PDZD7: variants seen among roughly 807,000 people sequenced by gnomAD.
PDZD7 encodes the protein PDZ domain-containing protein 7.
PDZD7 carries 72 observed loss-of-function variants against 84.7 expected under a neutral mutation model. The observed-to-expected ratio is 0.85, with a 90% CI of 0.70 to 1.03. The LOEUF (loss-of-function observed/expected upper bound fraction) is 1.03. PDZD7 is among the 50% of genes least tolerant of loss of function. The pLI, the probability that PDZD7 is intolerant of heterozygous loss-of-function variation, is 0.00. For synonymous variants in PDZD7, 594 were observed against 580.7 expected, an observed-to-expected ratio of 1.02 and a Z score of -0.33; for missense variants, 1,490 against 1,412.9, an observed-to-expected ratio of 1.05 and a Z score of -0.87.
chr10:101,018,339 A>T, intron 8 of PDZD7, 43 bp from the exon 9 acceptor site: 2 of 1,597,792 alleles, frequency 1.3e-6, no homozygotes, highest in Non-Finnish European at 8.6e-7. Context: ...AGGGGTGGGC[A>T]GAAGGGAAGG....
chr10:101,020,654 T>A lies in PDZD7; in HGVS notation c.892A>T (p.Lys298Ter). The A allele has an allele frequency of 6.2e-7, 1 of 1,613,206 alleles. No individual in the cohort carries two copies. The highest frequency in any genetic ancestry group is 1.1e-5 in the South Asian group (1 of 91,054). Residue 298 changes from lysine to a stop codon, truncating the protein, a stop_gained, in exon 7 of 17, where the codon AAG becomes TAG. Coordinates refer to ENST00000619208, the MANE Select transcript of PDZD7 (RefSeq NM_001195263.2). LOFTEE classifies it high-confidence loss of function. ...CAGCAGTACTCAGAAACCATCTCCT[T>A]GTAGGCAGGATACCGGCCGGTCTCC... ...IKETGRYPAY[K>*]EMVSEYCWLD...
rs1247248121 is a variant in PDZD7, at chr10:101,016,534, G to A, written c.1523-107C>T. ...AATGGAGAATTCAGACTGGAAGTAG[G>A]TGGGATAGGGAGGCAAGAGGCCTGG... On this transcript the variant is annotated intron_variant, in intron 9 of 16. Transcript: ENST00000619208. 7.3e-6 allele frequency: 9 copies of A among 1,234,970 alleles called. No individual in the cohort carries two copies. In the African/African-American group the frequency reaches 1.2e-4, roughly 16 times the overall value. The allele number at this position is 1,234,970 out of a possible 1,614,324, so 76.5% of individuals were successfully genotyped here. A position where few individuals can be genotyped will look rare whatever the true frequency, so the allele number is the denominator to read the frequency against.
At chr10:101,016,804 G>A (rs1372308364) in intron 9 of PDZD7, among the ~76,000 whole-genome samples, 1 of 152,136 alleles carries the variant, frequency 6.6e-6, no homozygotes, top group East Asian at 1.9e-4. Context: ...GGTGGGAGGA[G>A]AACCAGCAGA....
At chr10:101,023,326 C>T in intron 4 of PDZD7, 110 bp downstream of exon 4, 1 of 1,372,170 alleles carries the variant, frequency 7.3e-7, no homozygotes, top group Non-Finnish European at 1.0e-6. Context: ...GTTTCCTGAG[C>T]CAGCGAGCAG....
At chr10:101,022,960 C>T (rs1025885459) in intron 4 of PDZD7, among the ~76,000 whole-genome samples, 13 of 151,188 alleles carry the variant, frequency 8.6e-5, no homozygotes, top group Middle Eastern at 3.4e-3. Context: ...TTAGTACAGA[C>T]GGGGTTTCTC....
chr10:101,014,727 A>G (rs966277728), intron 11 of PDZD7, among the ~76,000 whole-genome samples: 2 of 152,082 alleles, frequency 1.3e-5, no homozygotes, highest in South Asian at 4.1e-4. Flanking sequence ...TCACATGCAC[A>G]CACACACACA....
intron 8 of PDZD7, 26 bp downstream of exon 8, chr10:101,018,796 G>C: frequency 6.4e-7 from 1 of 1,560,106 alleles, no homozygotes; most frequent in African/African-American, 1.3e-5. Flanking sequence ...TGTGGAGGGA[G>C]CAGCCGCCAC....
rs946393502 is a variant in PDZD7, at chr10:101,023,769, T to G, written c.367+159A>C. On this transcript the variant is annotated intron_variant, in intron 3 of 16. Transcript: ENST00000619208. ...TCCCAGTGCCTAGGGATCTGTCCCT[T>G]AAACCATTCTGACTTGAGGGTTGGC... 3.5e-6 allele frequency: 5 copies of G among 1,439,094 alleles called. No homozygotes were observed. The African/African-American group carries it at 7.0e-5, about 20-fold the overall frequency. The allele number at this position is 1,439,094 out of a possible 1,614,324, so 89.1% of individuals were successfully genotyped here.
rs1852370400 is a variant in PDZD7, at chr10:101,010,803, C to G, written c.2086G>C (p.Gly696Arg). Residue 696 changes from glycine to arginine, a missense_variant, in exon 15 of 17, where the codon GGG becomes CGG. Transcript: ENST00000619208. ...EDNGELRERLGALKVSPSASA... is the reference protein window; with the variant it reads ...EDNGELRERLRALKVSPSASA... ...GCACTTGGGGAGACCTTGAGGGCCC[C>G]CAGCCGCTCCCTCAGCTCCCCATTA... 6.5e-7 allele frequency: 1 copy of G among 1,535,364 alleles called. No individual in the cohort carries two copies. The highest frequency in any genetic ancestry group is 1.4e-5 in the African/African-American group (1 of 73,010).
At chr10:101,010,023 G>A (rs1852341469) in intron 15 of PDZD7, among the ~76,000 whole-genome samples, 2 of 152,264 alleles carry the variant, frequency 1.3e-5, no homozygotes, top group Non-Finnish European at 2.9e-5. Flanking sequence ...CTTCTGAGTA[G>A]CTGGGATTAC....
Position 101,008,860 on chromosome 10 carries a change from G to A in PDZD7, c.2719-10C>T. ...CAAGCTCGAAGCCAGCCTAGGGTGG[G>A]GTGAGAGAGTCACATCCCTCCCTCC... On this transcript the variant is annotated splice_polypyrimidine_tract_variant and intron_variant, in intron 16 of 16. Coordinates refer to ENST00000619208, the MANE Select transcript of PDZD7 (RefSeq NM_001195263.2). The A allele has an allele frequency of 1.4e-6, 2 of 1,477,546 alleles. No individual in the cohort carries two copies. The highest frequency in any genetic ancestry group is 1.8e-4 in the Middle Eastern group (1 of 5,666). The allele number at this position is 1,477,546 out of a possible 1,614,324, so 91.5% of individuals were successfully genotyped here.
chr10:101,021,999 C>T, intron 5 of PDZD7, 54 bp from the exon 6 acceptor site: 1 of 1,601,146 alleles, frequency 6.2e-7, no homozygotes. Flanking sequence ...CTCCGTTACC[C>T]CACTCCAGAC....
rs572666206 is a variant in PDZD7, at chr10:101,021,742, G to A, written c.867+56C>T. ...CAGAGCATTATTAAGAACTAGGGTGGTCTGGGAAGCCCCTACTCTAGCCTC... is the reference window on the plus strand; with the variant it reads ...CAGAGCATTATTAAGAACTAGGGTGATCTGGGAAGCCCCTACTCTAGCCTC... On this transcript the variant is annotated intron_variant, in intron 6 of 16. Transcript: ENST00000619208. 5 of 1,612,962 alleles carry A rather than the reference G, an allele frequency of 3.1e-6. No homozygotes were observed. The East Asian group carries it at 1.1e-4, about 36-fold the overall frequency.
At chr10:101,024,353 C>T (rs968843825) in intron 2 of PDZD7, among the ~76,000 whole-genome samples, 2 of 152,180 alleles carry the variant, frequency 1.3e-5, no homozygotes, top group Non-Finnish European at 2.9e-5. Context: ...AAGTAACCCT[C>T]CTGCCTCAGC....
In PDZD7 at chr10:101,010,812, C is replaced by G. The variant is rs534497706; in HGVS notation, c.2077G>C (p.Glu693Gln). Reference protein sequence around the residue: ...PEEEDNGELRERLGALKVSPS... With the variant: ...PEEEDNGELRQRLGALKVSPS... ...GAGACCTTGAGGGCCCCCAGCCGCT[C>G]CCTCAGCTCCCCATTATCTTCCTCT... The change falls in exon 15 of 17, where the codon GAG (glutamate) becomes CAG (glutamine). Residue 693 changes from glutamate to glutamine, a missense_variant. Transcript: ENST00000619208. 2.0e-6 allele frequency: 3 copies of G among 1,535,378 alleles called. No homozygotes were observed. The East Asian group carries it at 7.3e-5, about 38-fold the overall frequency.
At chr10:101,020,292 G>A (rs183576562) in intron 7 of PDZD7, among the ~76,000 whole-genome samples, 1 of 152,008 alleles carries the variant, frequency 6.6e-6, no homozygotes, top group East Asian at 2.0e-4. Context: ...TTTTAGTAAA[G>A]ACTGGGTTTC....
Position 101,020,624 on chromosome 10 carries a change from C to A in PDZD7, c.922G>T (p.Asp308Tyr). ...GGAGATCTGAGCCACTTACGTCGGT[C>A]CAGCCAGCAGTACTCAGAAACCATC... ...KEMVSEYCWLDRLSNGVLQQL... is the reference protein window; with the variant it reads ...KEMVSEYCWLYRLSNGVLQQL... The change falls in exon 7 of 17, where the codon GAC becomes TAC. Residue 308 changes from aspartate to tyrosine, a missense_variant. Coordinates refer to ENST00000619208, the MANE Select transcript of PDZD7 (RefSeq NM_001195263.2). The A allele has an allele frequency of 6.2e-7, 1 of 1,613,944 alleles. No homozygotes were observed. The highest frequency in any genetic ancestry group is 2.2e-5 in the East Asian group (1 of 44,866).
chr10:101,011,102 G>A (rs1852380694), intron 14 of PDZD7: 2 of 1,390,358 alleles, frequency 1.4e-6, no homozygotes, highest in African/African-American at 1.5e-5. Flanking sequence ...GCGTGGTGGC[G>A]CGATTTTGGC....
Position 101,022,273 on chromosome 10 carries a change from C to T in PDZD7, c.655G>A (p.Asp219Asn), listed in dbSNP as rs751885665. Reference sequence around the variant, plus strand: ...CGGATGTTGAAGCCCAGGCAGAAGTCGTCGGAGGTTGTGTATAGGTGGACG... The same window carrying T: ...CGGATGTTGAAGCCCAGGCAGAAGTTGTCGGAGGTTGTGTATAGGTGGACG... ...RIVHLYTTSDDFCLGFNIRGG... is the reference protein window; with the variant it reads ...RIVHLYTTSDNFCLGFNIRGG... The change falls in exon 5 of 17, where the codon GAC becomes AAC. Residue 219 changes from aspartate (D) to asparagine (N), a missense_variant. Asp to Asn is a conservative substitution (Grantham distance 23). Transcript: ENST00000619208. 25 of 1,614,122 alleles carry T rather than the reference C, an allele frequency of 1.5e-5. No homozygotes were observed. Among genetic ancestry groups the T allele is most frequent in the South Asian group, 3.3e-5 (3 of 91,094 alleles).
Sources: gnomAD v4.1 joint callset for allele counts (sites outside exome capture counted in the v4.1 genomes callset) on GRCh38, gnomAD v4.1.1 for gene constraint, MANE v1.5 for transcripts, NCBI Gene and HGNC (gene_info 2026-07-23, HGNC 2026-07-21) for gene names.